Variants in TRPM1 observed in about 807,000 individuals in gnomAD.
TRPM1 encodes TRPM1-203 APA Isoform, Intron 10.
In TRPM1, 113 loss-of-function variants were observed where a neutral mutation model predicts 149.4. That is an observed-to-expected ratio of 0.76 (90% CI 0.65 to 0.88). The LOEUF is 0.88. Among genes scored for constraint, TRPM1 ranks in the 40% least tolerant of loss-of-function variants. The probability of loss-of-function intolerance (pLI) is 0.00; values close to 1 mark genes in which losing one functional copy is unlikely to be tolerated. For synonymous variants in TRPM1, 741 were observed against 759.5 expected, an observed-to-expected ratio of 0.98 and a Z score of 0.40; for missense variants, 1,976 against 2,038.7, an observed-to-expected ratio of 0.97 and a Z score of 0.59.
In TRPM1 at chr15:31,060,659, A is replaced by G. The variant is rs763130466; in HGVS notation, c.1163-15T>C. 7 of 1,611,670 alleles carry G rather than the reference A, an allele frequency of 4.3e-6. No individual in the cohort carries two copies. The African/African-American group carries it at 9.3e-5, about 22-fold the overall frequency. ...TACGTTTGTTCCTGGAAAGGCAAGA[A>G]ACCGGAATGATTTTTCACTCCACGC... On this transcript the variant is annotated splice_polypyrimidine_tract_variant and intron_variant, in intron 10 of 27. Coordinates refer to ENST00000256552, the MANE Select transcript of TRPM1 (RefSeq NM_001252024.2).
rs2033461781 is a variant in TRPM1, at chr15:31,037,794, G to A, written c.2488C>T (p.His830Tyr). 1.2e-6 allele frequency: 2 copies of A among 1,614,098 alleles called. No individual in the cohort carries two copies. The highest frequency in any genetic ancestry group is 1.7e-6 in the Non-Finnish European group (2 of 1,180,024). Reference protein sequence around the residue: ...GSRKGDEENEHKKQRSIPIGT... With the variant: ...GSRKGDEENEYKKQRSIPIGT... Reference sequence around the variant, plus strand: ...ATGGGAATACTTCTCTGTTTTTTGTGCTCGTTCTCCTCATCCCCCTTTCTT... The same window carrying A: ...ATGGGAATACTTCTCTGTTTTTTGTACTCGTTCTCCTCATCCCCCTTTCTT... The change falls in exon 20 of 28, where the codon CAC (histidine) becomes TAC (tyrosine). Residue 830 changes from histidine (H) to tyrosine (Y), a missense_variant. Physicochemically the swap from His to Tyr is moderately conservative, Grantham distance 83. Coordinates refer to ENST00000256552, the MANE Select transcript of TRPM1 (RefSeq NM_001252024.2).
intron 3 of TRPM1, among the ~76,000 whole-genome samples, chr15:31,076,680 A>G (rs1477460755): frequency 1.3e-5 from 2 of 152,170 alleles, no homozygotes; most frequent in Non-Finnish European, 2.9e-5. Context: ...CCAGTTGGCT[A>G]TGAGAGTTCG....
chr15:31,155,710 GGA>G (rs145698233), intron 1 of TRPM1, among the ~76,000 whole-genome samples: 1 of 151,566 alleles, frequency 6.6e-6, no homozygotes, highest in Admixed American at 6.6e-5. Context: ...AAAGGGAGGG[GGA>G]GAGAGAGAGA....
Position 31,072,010 on chromosome 15 carries a change from TATATATATAGAGAG to T in TRPM1, c.84-1798_84-1785del, listed in dbSNP as rs1199795859. On this transcript the variant is annotated intron_variant, in intron 3 of 27. Transcript: ENST00000256552. ...ATATATATATATATATATATATATA[TATATATATAGAGAG>T]AGAGAGAGAGAGAGAGAGAGAGAGA... Among the ~76,000 whole-genome samples the T allele has an allele frequency of 9.1e-3, 272 of 30,008 alleles. 1 individual carries two copies. The highest frequency in any genetic ancestry group is 0.025 in the African/African-American group (232 of 9,456). The allele number at this position is 30,008 out of a possible 152,430, so 19.7% of individuals were successfully genotyped here. A position where few individuals can be genotyped will look rare whatever the true frequency, so the allele number is the denominator to read the frequency against.
At chr15:31,160,697 C>A (rs904659464) in intron 1 of TRPM1, among the ~76,000 whole-genome samples, 1 of 152,214 alleles carries the variant, frequency 6.6e-6, no homozygotes, top group African/African-American at 2.4e-5. Flanking sequence ...AGACCACAGG[C>A]GTTGGACACC....
intron 1 of TRPM1, among the ~76,000 whole-genome samples, chr15:31,144,749 C>T (rs961063420): frequency 7.7e-6 from 1 of 130,030 alleles, no homozygotes; most frequent in African/African-American, 3.0e-5. Context: ...TAGTTTCGCT[C>T]TTGTTGCCCA....
At chr15:31,132,442 C>T (rs959399548) in intron 1 of TRPM1, among the ~76,000 whole-genome samples, 1 of 152,214 alleles carries the variant, frequency 6.6e-6, no homozygotes, top group Non-Finnish European at 1.5e-5. Context: ...AACAGAGTAG[C>T]CACTGGCTAC....
chr15:31,091,262 G>A (rs1301460217), intron 1 of TRPM1, among the ~76,000 whole-genome samples: 1 of 152,210 alleles, frequency 6.6e-6, no homozygotes, highest in Non-Finnish European at 1.5e-5. Flanking sequence ...CTTCACTCCA[G>A]AACTCACAGC....
chr15:31,020,233 GCAACA>G (rs1474632194), intron 27 of TRPM1, among the ~76,000 whole-genome samples: 2 of 152,200 alleles, frequency 1.3e-5, no homozygotes, highest in Admixed American at 1.3e-4. Context: ...TCCCTTACTT[GCAACA>G]CGTTAGTGCC....
At chr15:31,128,062 T>C (rs2035973439) in intron 1 of TRPM1, among the ~76,000 whole-genome samples, 1 of 152,070 alleles carries the variant, frequency 6.6e-6, no homozygotes, top group African/African-American at 2.4e-5. Flanking sequence ...ACTGGATCTT[T>C]ATTATCTGCA....
rs373675798 is a variant in TRPM1 at position 31,029,399 on chromosome 15, A to G, written c.3128-8T>C. On this transcript the variant is annotated splice_polypyrimidine_tract_variant and splice_region_variant and intron_variant, in intron 23 of 27. Transcript: ENST00000256552. The stretch of plus-strand genomic sequence containing the variant: ...TAATTTCCATGGCGTAGACTACATG[A>G]CGATTGGAAAGCAGGATTTTTGTTT... 18 of 1,613,698 alleles carry G rather than the reference A, an allele frequency of 1.1e-5. No individual in the cohort carries two copies. Among genetic ancestry groups the G allele is most frequent in the Non-Finnish European group, 1.4e-5 (16 of 1,179,808 alleles).
intron 8 of TRPM1, 146 bp downstream of exon 8, chr15:31,062,972 A>T: frequency 8.5e-7 from 1 of 1,173,342 alleles, no homozygotes; most frequent in Non-Finnish European, 1.2e-6. Context: ...CTGGATGCTG[A>T]CCTGAGGAAA....
intron 1 of TRPM1, among the ~76,000 whole-genome samples, chr15:31,121,779 A>G (rs2035884433): frequency 6.6e-6 from 1 of 152,190 alleles, no homozygotes; most frequent in Admixed American, 6.5e-5. Flanking sequence ...CATCTTTTCC[A>G]CAAAATGGAA....
At chr15:31,041,141 C>T (rs554610565) in intron 17 of TRPM1, among the ~76,000 whole-genome samples, 8 of 151,212 alleles carry the variant, frequency 5.3e-5, no homozygotes, top group Non-Finnish European at 1.0e-4. Context: ...TAACCATAAA[C>T]GTTCCAAGTT....
At chr15:31,019,365 G>T (rs1028413662) in intron 27 of TRPM1, among the ~76,000 whole-genome samples, 2 of 151,920 alleles carry the variant, frequency 1.3e-5, no homozygotes, top group African/African-American at 4.8e-5. Context: ...AAGACTAAAT[G>T]AAGACTAATC....
At chr15:31,131,240 A>C (rs1352856233) in intron 1 of TRPM1, among the ~76,000 whole-genome samples, 1 of 152,222 alleles carries the variant, frequency 6.6e-6, no homozygotes, top group Non-Finnish European at 1.5e-5. Flanking sequence ...GCTTGTGTTC[A>C]GGTCAGCCTT....
chr15:31,113,550 A>C (rs947930231), intron 1 of TRPM1, among the ~76,000 whole-genome samples: 1 of 149,914 alleles, frequency 6.7e-6, no homozygotes, highest in Non-Finnish European at 1.5e-5. Context: ...GTACTCCTAA[A>C]ATGTTTTTTT....
rs147975237 is a variant in TRPM1 at position 31,083,936 on chromosome 15, A to G, written c.-83-2498T>C. ...GAGAGCCTAGTGACACCATGCTTGG[A>G]AGACCTTTGAAACCTATTGTCCTCT... On this transcript the variant is annotated intron_variant, in intron 1 of 27. Transcript: ENST00000256552. Among the ~76,000 whole-genome samples the G allele has an allele frequency of 2.2e-3, 335 of 152,250 alleles. 2 individuals carry two copies. Among genetic ancestry groups the G allele is most frequent in the African/African-American group, 7.8e-3 (326 of 41,550 alleles).
chr15:31,125,778 A>G (rs1437764200), intron 1 of TRPM1, among the ~76,000 whole-genome samples: 1 of 151,002 alleles, frequency 6.6e-6, no homozygotes, highest in East Asian at 1.9e-4. Context: ...TTAAAATTAA[A>G]ATGTGTATGC....
Sources: allele counts gnomAD v4.1 joint callset (sites outside exome capture counted in the v4.1 genomes callset), GRCh38; gene constraint gnomAD v4.1.1; transcripts MANE v1.5; gene names NCBI Gene and HGNC (gene_info 2026-07-23, HGNC 2026-07-21).